The following ETV6 variants were observed in gnomAD, a reference collection of about 807,000 sequenced individuals.
ETV6 encodes transcription factor ETV6.
ETV6 carries 16 observed loss-of-function variants against 51.1 expected under a neutral mutation model. The observed-to-expected ratio is 0.31, with a 90% CI of 0.21 to 0.48. The LOEUF (loss-of-function observed/expected upper bound fraction) is 0.48, where lower values mean the gene tolerates loss of function less well. Among genes scored for constraint, ETV6 ranks in the 20% least tolerant of loss-of-function variants. The pLI, the probability that ETV6 is intolerant of heterozygous loss-of-function variation, is 0.99. For missense variants in ETV6, 458 were observed against 594.8 expected (o/e 0.77, Z 2.39); for synonymous variants, 240 against 224.1 (o/e 1.07, Z -0.64).
At chr12:11,739,217 C>T (rs1036965105) in intron 1 of ETV6, among the ~76,000 whole-genome samples, 10 of 152,010 alleles carry the variant, frequency 6.6e-5, no homozygotes, top group African/African-American at 2.4e-4. Flanking sequence ...CTGTAAGGGG[C>T]CTCTAGTATG....
chr12:11,813,189 C>T (rs969019082), intron 2 of ETV6, among the ~76,000 whole-genome samples: 4 of 152,246 alleles, frequency 2.6e-5, no homozygotes, highest in Non-Finnish European at 5.9e-5. Context: ...ATTTTCCATC[C>T]TTCCATGGAG....
chr12:11,870,612 A>T (rs1946867239), intron 5 of ETV6, among the ~76,000 whole-genome samples: 1 of 152,228 alleles, frequency 6.6e-6, no homozygotes, highest in Non-Finnish European at 1.5e-5. Context: ...AATTTACATG[A>T]ACTCATTCTT....
intron 2 of ETV6, among the ~76,000 whole-genome samples, chr12:11,819,332 G>A (rs570080335): frequency 2.0e-5 from 3 of 152,202 alleles, no homozygotes; most frequent in Admixed American, 6.5e-5. Flanking sequence ...ACTTGTCCCC[G>A]GTCTTGTCCC....
chr12:11,811,614 G>T (rs957595275), intron 2 of ETV6, among the ~76,000 whole-genome samples: 4 of 152,182 alleles, frequency 2.6e-5, no homozygotes, highest in African/African-American at 9.7e-5. Flanking sequence ...GATGATGGTG[G>T]TGGTGAGATG....
At chr12:11,878,278 T>C (rs1423304247) in intron 5 of ETV6, among the ~76,000 whole-genome samples, 2 of 152,136 alleles carry the variant, frequency 1.3e-5, no homozygotes, top group African/African-American at 4.8e-5. Context: ...GACAATGTTT[T>C]TAAAAGATAA....
At chr12:11,695,997 GC>G (rs913004393) in intron 1 of ETV6, among the ~76,000 whole-genome samples, 2 of 152,010 alleles carry the variant, frequency 1.3e-5, no homozygotes, top group Admixed American at 1.3e-4. Flanking sequence ...GACCCCTAAG[GC>G]CTGGGGAGGG....
chr12:11,819,260 C>G (rs746099412), intron 2 of ETV6, among the ~76,000 whole-genome samples: 1 of 152,138 alleles, frequency 6.6e-6, no homozygotes, highest in Non-Finnish European at 1.5e-5. Flanking sequence ...CCCCAGATGC[C>G]GAATCCATCT....
At chr12:11,688,754 AGCT>A (rs1482007445) in intron 1 of ETV6, among the ~76,000 whole-genome samples, 11 of 152,328 alleles carry the variant, frequency 7.2e-5, no homozygotes, top group South Asian at 2.1e-4. Flanking sequence ...CCATAGCCTT[AGCT>A]GCTCCTTGAG....
chr12:11,865,300 A>G (rs553452263), intron 4 of ETV6, among the ~76,000 whole-genome samples: 2 of 151,820 alleles, frequency 1.3e-5, no homozygotes, highest in Non-Finnish European at 2.9e-5. Flanking sequence ...AAAAAAGACT[A>G]TAAAATCATA....
chr12:11,837,649 AC>A (rs1946335404), intron 2 of ETV6, among the ~76,000 whole-genome samples: 1 of 152,226 alleles, frequency 6.6e-6, no homozygotes, highest in Non-Finnish European at 1.5e-5. Flanking sequence ...ACTGAGGGAC[AC>A]TTTTATAACA....
intron 1 of ETV6, among the ~76,000 whole-genome samples, chr12:11,682,259 C>G (rs1016535935): frequency 6.6e-6 from 1 of 152,244 alleles, no homozygotes; most frequent in East Asian, 1.9e-4. Flanking sequence ...GATCGCCATT[C>G]TAACTGGTGT....
At chr12:11,751,350 T>C (rs1178825537) in intron 1 of ETV6, 1 of 518,850 alleles carries the variant, frequency 1.9e-6, no homozygotes, top group African/African-American at 1.9e-5. Context: ...TGAGTTTTAT[T>C]TTCATAGTGG....
Position 11,883,276 on chromosome 12 carries a change from C to CTTCTTCTTTTTTTTTTT in ETV6, c.1010-1167_1010-1166insCTTCTTTTTTTTTTTTT, listed in dbSNP as rs776231778. Among the ~76,000 whole-genome samples, 42 of 79,104 alleles carry CTTCTTCTTTTTTTTTTT rather than the reference C, an allele frequency of 5.3e-4. 2 individuals carry two copies. Among genetic ancestry groups the CTTCTTCTTTTTTTTTTT allele is most frequent in the Non-Finnish European group, 6.5e-4 (30 of 46,100 alleles). The allele number at this position is 79,104 out of a possible 152,430, so 51.9% of individuals were successfully genotyped here. On this transcript the variant is annotated intron_variant, in intron 5 of 7. Coordinates refer to ENST00000396373, the MANE Select transcript of ETV6 (RefSeq NM_001987.5). ...GGGAAGGTGTACATCATGTCTTCTTCTTTTTTTTTTTTTTTTTTTTTTTTT... is the reference window on the plus strand; with the variant it reads ...GGGAAGGTGTACATCATGTCTTCTTCTTCTTCTTTTTTTTTTTTTTTTTTTTTTTTTTTTTTTTTTTT...
intron 1 of ETV6, among the ~76,000 whole-genome samples, chr12:11,652,922 A>G (rs759585034): frequency 6.6e-6 from 1 of 152,152 alleles, no homozygotes; most frequent in Non-Finnish European, 1.5e-5. Context: ...GGGGAAGTTA[A>G]TATCAGACAC....
At chr12:11,733,100 C>T (rs1865632430) in intron 1 of ETV6, among the ~76,000 whole-genome samples, 1 of 152,134 alleles carries the variant, frequency 6.6e-6, no homozygotes, top group Non-Finnish European at 1.5e-5. Context: ...ATGGAAGGTA[C>T]TCAGCATATT....
intron 4 of ETV6, among the ~76,000 whole-genome samples, chr12:11,860,883 C>T (rs763232065): frequency 1.3e-5 from 2 of 152,172 alleles, no homozygotes; most frequent in African/African-American, 2.4e-5. Context: ...CAGGTTTGTG[C>T]ACCTTATACG....
intron 1 of ETV6, among the ~76,000 whole-genome samples, chr12:11,668,771 G>T (rs140912664): frequency 6.6e-6 from 1 of 152,280 alleles, no homozygotes; most frequent in South Asian, 2.1e-4. Context: ...ACAATTGCCC[G>T]GCCAGGTGTG....
At position 11,895,204 on chromosome 12, in the gene ETV6, G is replaced by A. The variant is rs371528579; in HGVS notation, c.*4158G>A. The A allele has an allele frequency of 1.8e-4, 41 of 231,310 alleles. No homozygotes were observed. The highest frequency in any genetic ancestry group is 7.3e-4 in the African/African-American group (33 of 44,946). 14.3% of individuals were successfully genotyped at this position (231,310 alleles called of 1,614,324 possible). On this transcript the variant is annotated 3_prime_UTR_variant, in exon 8 of 8. Coordinates refer to ENST00000396373, the MANE Select transcript of ETV6 (RefSeq NM_001987.5). The stretch of plus-strand genomic sequence containing the variant: ...GAACGACTCTAGAATTTCCTTCCCC[G>A]CCCCCCTTTTTGTTTAGTTTCTAAT...
At chr12:11,853,327 T>A in intron 3 of ETV6, 100 bp from the exon 4 acceptor site, 1 of 1,418,768 alleles carries the variant, frequency 7.0e-7, no homozygotes, top group Admixed American at 1.7e-5. Flanking sequence ...GCTCCAATTG[T>A]ATCTTTGGCA....
Sources: allele counts gnomAD v4.1 joint callset (sites outside exome capture counted in the v4.1 genomes callset), GRCh38; gene constraint gnomAD v4.1.1; transcripts MANE v1.5; gene names NCBI Gene and HGNC (gene_info 2026-07-23, HGNC 2026-07-21).